Variants in A2M observed in about 807,000 individuals in gnomAD.
The protein encoded by A2M is alpha-2-macroglobulin, also known as C3 and PZP-like alpha-2-macroglobulin domain-containing protein 5.
A neutral mutation model predicts 183.9 loss-of-function variants in A2M; 128 were observed. The observed-to-expected ratio is 0.70, with a 90% CI of 0.60 to 0.81. A2M has a LOEUF of 0.81. Ranked by LOEUF, A2M falls within the 30% of genes least tolerant of loss-of-function variation. The pLI is 0.00. For missense variants in A2M, 1,495 were observed against 1,787.6 expected (o/e 0.84, Z 2.95); for synonymous variants, 592 against 670.8 (o/e 0.88, Z 1.81).
chr12:9,096,332 C>T (rs192455686), intron 15 of A2M, among the ~76,000 whole-genome samples: 2 of 152,238 alleles, frequency 1.3e-5, no homozygotes, highest in East Asian at 3.9e-4. Context: ...ATTGAAAAAT[C>T]GAGGTCTGCT....
At chr12:9,085,233 A>G (rs1369771394) in intron 22 of A2M, among the ~76,000 whole-genome samples, 2 of 152,128 alleles carry the variant, frequency 1.3e-5, no homozygotes, top group Non-Finnish European at 2.9e-5. Flanking sequence ...AACATTCTCC[A>G]AGATAGATCA....
Position 9,101,554 on chromosome 12 carries a change from G to T in A2M, c.1387C>A (p.Pro463Thr). Residue 463 changes from proline to threonine, a missense_variant, in exon 12 of 36, where the codon CCC becomes ACC. Coordinates refer to ENST00000318602, the MANE Select transcript of A2M (RefSeq NM_000014.6). ...CCACAGGGTAGTTCATGAGACATGGGCTCAAGGTGGACAAAGCTCTTGCTT... is the reference window on the plus strand; with the variant it reads ...CCACAGGGTAGTTCATGAGACATGGTCTCAAGGTGGACAAAGCTCTTGCTT... ...SPSKSFVHLE[P>T]MSHELPCGHT... 1 of 1,613,972 alleles carries T rather than the reference G, an allele frequency of 6.2e-7. No individual in the cohort carries two copies. The highest frequency in any genetic ancestry group is 8.5e-7 in the Non-Finnish European group (1 of 1,179,878).
In A2M at chr12:9,101,523, G is replaced by T; in HGVS notation, c.1418C>A (p.Thr473Asn). Residue 473 changes from threonine to asparagine, a missense_variant, in exon 12 of 36, where the codon ACT (threonine) becomes AAT (asparagine). Thr to Asn is a moderately conservative substitution (Grantham distance 65). Coordinates refer to ENST00000318602, the MANE Select transcript of A2M (RefSeq NM_000014.6). ...PMSHELPCGHTQTVQAHYILN... is the reference protein window; with the variant it reads ...PMSHELPCGHNQTVQAHYILN... ...AATATAATGTGCCTGGACTGTCTGA[G>T]TATGGCCACAGGGTAGTTCATGAGA... 4 of 1,613,952 alleles carry T rather than the reference G, an allele frequency of 2.5e-6. No homozygotes were observed. Among genetic ancestry groups the T allele is most frequent in the Non-Finnish European group, 3.4e-6 (4 of 1,179,896 alleles).
chr12:9,087,154 T>A (rs779900847), intron 22 of A2M, among the ~76,000 whole-genome samples: 2 of 152,060 alleles, frequency 1.3e-5, no homozygotes, highest in Non-Finnish European at 2.9e-5. Context: ...AAATACAATG[T>A]TCATGGATTG....
chr12:9,111,955 A>T, intron 4 of A2M: 1 of 736,984 alleles, frequency 1.4e-6, no homozygotes, highest in South Asian at 1.4e-5. Flanking sequence ...CAACTGACTG[A>T]GTACCAGCAC....
At chr12:9,114,908 T>C (rs1310199951) in intron 1 of A2M, among the ~76,000 whole-genome samples, 1 of 152,192 alleles carries the variant, frequency 6.6e-6, no homozygotes, top group Non-Finnish European at 1.5e-5. Context: ...GATTCATACA[T>C]ATTAGATATA....
chr12:9,074,618 T>C lies in A2M; in HGVS notation c.3698A>G (p.Asn1233Ser). 1 of 1,613,830 alleles carries C rather than the reference T, an allele frequency of 6.2e-7. No homozygotes were observed. Among genetic ancestry groups the C allele is most frequent in the South Asian group, 1.1e-5 (1 of 90,988 alleles). ...CTGCTTCGTGATCCACTTCACGATG[T>C]TGGTTGCAGAGGTCAGGTCCTCCGA... ...PTSEDLTSAT[N>S]IVKWITKQQN... Residue 1233 changes from asparagine (N) to serine (S), a missense_variant, in exon 29 of 36, where the codon AAC becomes AGC. Asn to Ser is a conservative substitution (Grantham distance 46). Transcript: ENST00000318602.
At position 9,101,483 on chromosome 12, in the gene A2M, G is replaced by A. The variant is rs775696433; in HGVS notation, c.1458C>T (p.Thr486=). 2 of 1,613,826 alleles carry A rather than the reference G, an allele frequency of 1.2e-6. No homozygotes were observed. The highest frequency in any genetic ancestry group is 2.2e-5 in the East Asian group (1 of 44,872). Residue 486 remains threonine, a synonymous_variant, in exon 12 of 36, where the codon ACC becomes ACT. Coordinates refer to ENST00000318602, the MANE Select transcript of A2M (RefSeq NM_000014.6). ...VQAHYILNGG[T]LLGLKKLSFY... ...AGGAGAGCTTCTTCAGCCCCAGCAG[G>A]GTGCCTCCATTCAGAATATAATGTG... is the stretch of plus-strand genomic sequence containing the variant.
At chr12:9,107,928 G>A (rs1324936115) in intron 7 of A2M, among the ~76,000 whole-genome samples, 2 of 148,868 alleles carry the variant, frequency 1.3e-5, no homozygotes, top group African/African-American at 2.5e-5. Flanking sequence ...ACTTAAACCC[G>A]TTCTTAAAAG....
chr12:9,081,047 A>T (rs1477531826), intron 22 of A2M, among the ~76,000 whole-genome samples: 4 of 152,178 alleles, frequency 2.6e-5, no homozygotes, highest in Non-Finnish European at 5.9e-5. Flanking sequence ...CATAAAATTA[A>T]TGTTAAAACT....
At chr12:9,083,179 G>C (rs1948956706) in intron 22 of A2M, among the ~76,000 whole-genome samples, 1 of 152,082 alleles carries the variant, frequency 6.6e-6, no homozygotes, top group African/African-American at 2.4e-5. Flanking sequence ...TCATAGGTGG[G>C]AATTGAACAA....
intron 18 of A2M, 59 bp downstream of exon 18, chr12:9,093,406 A>G: frequency 8.8e-7 from 1 of 1,142,192 alleles, no homozygotes; most frequent in Non-Finnish European, 1.3e-6. Flanking sequence ...ACTAGCAAAG[A>G]GTTGAAAATA....
chr12:9,072,983 C>A, intron 29 of A2M, 112 bp from the exon 30 acceptor site: 1 of 732,568 alleles, frequency 1.4e-6, no homozygotes. Context: ...TCCCTCACTA[C>A]TTAAATATAG....
intron 25 of A2M, among the ~76,000 whole-genome samples, chr12:9,078,167 C>G (rs765146630): frequency 6.6e-6 from 1 of 152,078 alleles, no homozygotes. Flanking sequence ...CACCTATTGA[C>G]CCATCCGCTT....
intron 18 of A2M, 25 bp from the exon 19 acceptor site, chr12:9,091,454 C>T (rs1433774104): frequency 6.2e-7 from 1 of 1,612,006 alleles, no homozygotes; most frequent in Non-Finnish European, 8.5e-7. Flanking sequence ...AAGTGAAGAA[C>T]AGAAAGTAAG....
chr12:9,080,686 A>G (rs1357388615), intron 22 of A2M, among the ~76,000 whole-genome samples: 3 of 152,226 alleles, frequency 2.0e-5, no homozygotes, highest in African/African-American at 4.8e-5. Flanking sequence ...AAACCTAGAA[A>G]ATTGAGGGTA....
At chr12:9,079,458 T>G in intron 24 of A2M, 127 bp from the exon 25 acceptor site, 1 of 1,156,390 alleles carries the variant, frequency 8.6e-7, no homozygotes, top group Non-Finnish European at 1.3e-6. Flanking sequence ...ATTAGGAGTT[T>G]CTGAGCCTTA....
chr12:9,094,772 C>T (rs1949322847), intron 17 of A2M, among the ~76,000 whole-genome samples: 1 of 152,150 alleles, frequency 6.6e-6, no homozygotes. Flanking sequence ...TGGAAACTTT[C>T]TCTTTCCTTT....
intron 22 of A2M, among the ~76,000 whole-genome samples, chr12:9,083,677 A>G (rs1948973693): frequency 1.3e-5 from 2 of 151,822 alleles, no homozygotes; most frequent in Non-Finnish European, 2.9e-5. Flanking sequence ...CCTTTGCATT[A>G]AAGAAAGTCC....
Sources: allele counts gnomAD v4.1 joint callset (sites outside exome capture counted in the v4.1 genomes callset), GRCh38; gene constraint gnomAD v4.1.1; transcripts MANE v1.5; gene names NCBI Gene and HGNC (gene_info 2026-07-23, HGNC 2026-07-21).